Variants in PCCA observed in about 807,000 individuals in gnomAD.
PCCA encodes the protein propionyl-CoA carboxylase alpha chain, mitochondrial.
A neutral mutation model predicts 101.3 loss-of-function variants in PCCA; 74 were observed. The observed-to-expected ratio is 0.73, with a 90% CI of 0.61 to 0.89. The LOEUF is 0.89. PCCA is among the 40% of genes least tolerant of loss of function. The pLI, the probability that PCCA is intolerant of heterozygous loss-of-function variation, is 0.00. For missense variants in PCCA, 891 were observed against 907.0 expected (o/e 0.98, Z 0.23); for synonymous variants, 294 against 313.6 (o/e 0.94, Z 0.66).
At chr13:100,472,436 A>G (rs931131035) in intron 21 of PCCA, among the ~76,000 whole-genome samples, 2 of 151,852 alleles carry the variant, frequency 1.3e-5, no homozygotes, top group African/African-American at 4.8e-5. Flanking sequence ...GTACCTGCGT[A>G]TTTTCATTTA....
At chr13:100,265,332 A>G (rs771144895) in intron 10 of PCCA, among the ~76,000 whole-genome samples, 2 of 152,162 alleles carry the variant, frequency 1.3e-5, no homozygotes, top group Non-Finnish European at 2.9e-5. Context: ...AATTTTTAAA[A>G]TTCTGATATC....
At chr13:100,391,490 A>G (rs192768470) in intron 19 of PCCA, among the ~76,000 whole-genome samples, 9 of 152,294 alleles carry the variant, frequency 5.9e-5, no homozygotes, top group Non-Finnish European at 8.8e-5. Context: ...CCAAGCTTCC[A>G]TTTGAAGTCG....
chr13:100,450,250 G>T (rs1196582792), intron 21 of PCCA, among the ~76,000 whole-genome samples: 2 of 151,946 alleles, frequency 1.3e-5, no homozygotes, highest in African/African-American at 2.4e-5. Flanking sequence ...GGGTTGTGGT[G>T]GTGGGCGCCT....
At chr13:100,377,374 T>C (rs1301004995) in intron 19 of PCCA, among the ~76,000 whole-genome samples, 2 of 152,194 alleles carry the variant, frequency 1.3e-5, no homozygotes, top group African/African-American at 2.4e-5. Flanking sequence ...GATGGAACAA[T>C]TTTTTCCATC....
intron 4 of PCCA, among the ~76,000 whole-genome samples, chr13:100,138,110 T>C: frequency 6.6e-6 from 1 of 152,202 alleles, no homozygotes; most frequent in East Asian, 1.9e-4. Flanking sequence ...AATGTAGTTA[T>C]TGAAATGTTT....
chr13:100,373,385 A>AAAACTT (rs1297227653), intron 19 of PCCA, among the ~76,000 whole-genome samples: 1 of 152,370 alleles, frequency 6.6e-6, no homozygotes, highest in East Asian at 1.9e-4. Context: ...ATGGTCCCTC[A>AAAACTT]AAAACTTAAA....
intron 22 of PCCA, among the ~76,000 whole-genome samples, chr13:100,517,473 A>G (rs1594108934): frequency 6.6e-6 from 1 of 152,350 alleles, no homozygotes; most frequent in East Asian, 1.9e-4. Flanking sequence ...CTCAGATATT[A>G]AAAACACCCA....
intron 4 of PCCA, among the ~76,000 whole-genome samples, chr13:100,131,141 G>A (rs1396505731): frequency 6.6e-6 from 1 of 152,130 alleles, no homozygotes; most frequent in African/African-American, 2.4e-5. Context: ...AAAAAAAGGG[G>A]CTTGGCTTAA....
chr13:100,385,920 A>C (rs1185221419), intron 19 of PCCA, among the ~76,000 whole-genome samples: 5 of 152,216 alleles, frequency 3.3e-5, no homozygotes, highest in East Asian at 1.9e-4. Context: ...CCTCTTCCTA[A>C]GATTGTAGAA....
intron 18 of PCCA, 54 bp downstream of exon 18, chr13:100,340,313 A>G (rs2071106713): frequency 2.2e-6 from 2 of 908,914 alleles, no homozygotes; most frequent in South Asian, 2.6e-5. Context: ...TTGATAATCC[A>G]GTCTACATAG....
intron 4 of PCCA, among the ~76,000 whole-genome samples, chr13:100,118,206 T>C (rs2049016036): frequency 6.6e-6 from 1 of 152,088 alleles, no homozygotes; most frequent in Admixed American, 6.5e-5. Context: ...GTAATAAGTA[T>C]GGTTTTCTAC....
intron 19 of PCCA, among the ~76,000 whole-genome samples, chr13:100,418,607 G>A (rs144290608): frequency 9.0e-4 from 137 of 152,218 alleles, no homozygotes; most frequent in Non-Finnish European, 1.5e-3. Flanking sequence ...TTGGGAGGCC[G>A]AGGTGGGCAG....
intron 1 of PCCA, among the ~76,000 whole-genome samples, chr13:100,097,388 G>A (rs1350216472): frequency 6.6e-6 from 1 of 152,044 alleles, no homozygotes; most frequent in Admixed American, 6.6e-5. Context: ...TTTTAAAAGG[G>A]TGAATTTTAT....
intron 20 of PCCA, among the ~76,000 whole-genome samples, chr13:100,430,466 G>C (rs2079469593): frequency 6.6e-6 from 1 of 152,042 alleles, no homozygotes; most frequent in Non-Finnish European, 1.5e-5. Context: ...TCTTGTTTTT[G>C]AACCTTGTAA....
intron 21 of PCCA, among the ~76,000 whole-genome samples, chr13:100,514,196 C>A (rs1312875952): frequency 6.6e-6 from 1 of 152,192 alleles, no homozygotes; most frequent in African/African-American, 2.4e-5. Context: ...TTGCAAAACA[C>A]ACACTCAGGA....
At chr13:100,439,107 T>C (rs970237918) in intron 20 of PCCA, among the ~76,000 whole-genome samples, 41 of 152,224 alleles carry the variant, frequency 2.7e-4, no homozygotes, top group African/African-American at 8.9e-4. Flanking sequence ...TACGTGTAGC[T>C]AGTGGTTACT....
intron 7 of PCCA, among the ~76,000 whole-genome samples, chr13:100,209,974 G>A (rs187257405): frequency 1.3e-5 from 2 of 152,086 alleles, no homozygotes; most frequent in East Asian, 3.9e-4. Flanking sequence ...TATTTTTAGA[G>A]ATGGAGGTCT....
At chr13:100,200,663 G>A (rs1049464919) in intron 6 of PCCA, among the ~76,000 whole-genome samples, 10 of 149,748 alleles carry the variant, frequency 6.7e-5, no homozygotes, top group African/African-American at 2.2e-4. Context: ...TATACCATAT[G>A]GCAATATATT....
chr13:100,297,177 G>A (rs2065614374), intron 12 of PCCA, among the ~76,000 whole-genome samples: 1 of 152,210 alleles, frequency 6.6e-6, no homozygotes, highest in Non-Finnish European at 1.5e-5. Context: ...TATTGGTGGT[G>A]TTGGCTTTGT....
Sources: allele counts gnomAD v4.1 joint callset (sites outside exome capture counted in the v4.1 genomes callset), GRCh38; gene constraint gnomAD v4.1.1; transcripts MANE v1.5; gene names NCBI Gene and HGNC (gene_info 2026-07-23, HGNC 2026-07-21).